The following TIAM2 variants were observed in gnomAD, a reference collection of about 807,000 sequenced individuals.
TIAM2 encodes the protein TIAM Rac1 associated GEF 2, also known as rho guanine nucleotide exchange factor TIAM2.
In TIAM2, 80 loss-of-function variants were observed where a neutral mutation model predicts 152.9. The observed-to-expected ratio is 0.52, with a 90% CI of 0.44 to 0.63. The LOEUF (loss-of-function observed/expected upper bound fraction) is 0.63, where lower values mean the gene tolerates loss of function less well. Among genes scored for constraint, TIAM2 ranks in the 30% least tolerant of loss-of-function variants. The pLI, the probability that TIAM2 is intolerant of heterozygous loss-of-function variation, is 0.00. For missense variants in TIAM2, 1,965 were observed against 2,120.1 expected (o/e 0.93, Z 1.44); for synonymous variants, 804 against 838.0 (o/e 0.96, Z 0.70).
chr6:155,225,009 G>A (rs142759503), intron 15 of TIAM2, among the ~76,000 whole-genome samples: 368 of 152,314 alleles, frequency 2.4e-3, no homozygotes, highest in Non-Finnish European at 4.1e-3. Context: ...AAGCTGGAGT[G>A]AAATGGTGCG....
At chr6:155,210,645 T>C (rs1345729448) in intron 14 of TIAM2, among the ~76,000 whole-genome samples, 2 of 152,200 alleles carry the variant, frequency 1.3e-5, no homozygotes, top group African/African-American at 4.8e-5. Context: ...CCCATATTAT[T>C]TCTTAGCCTT....
At position 155,257,622 on chromosome 6, in the gene TIAM2, A is replaced by T. The variant is rs3940; in HGVS notation, c.*501A>T. ...TGCTGTTTATACTAAACATGTCATA[A>T]CTATCTATACAGTATATATTAAAAG... On this transcript the variant is annotated 3_prime_UTR_variant, in exon 27 of 27. Coordinates refer to ENST00000682666, the MANE Select transcript of TIAM2 (RefSeq NM_012454.4). 0.64 allele frequency: 358,154 copies of T among 555,690 alleles called. 118,850 individuals are homozygous for T. The highest frequency in any genetic ancestry group is 0.98 in the East Asian group (31,459 of 32,090). The allele number at this position is 555,690 out of a possible 1,614,324, so 34.4% of individuals were successfully genotyped here.
chr6:155,136,395 C>G (rs1384039462), intron 4 of TIAM2, among the ~76,000 whole-genome samples: 1 of 151,516 alleles, frequency 6.6e-6, no homozygotes, highest in African/African-American at 2.4e-5. Flanking sequence ...CTGCCTCAGC[C>G]CCCTGAGTAG....
chr6:155,052,205 A>G (rs764269684), intron 1 of TIAM2, among the ~76,000 whole-genome samples: 3 of 152,298 alleles, frequency 2.0e-5, no homozygotes, highest in South Asian at 4.1e-4. Flanking sequence ...GTGCTGCTAT[A>G]CATACTTCAT....
chr6:155,233,181 T>G (rs1381249186), intron 15 of TIAM2, among the ~76,000 whole-genome samples: 1 of 152,212 alleles, frequency 6.6e-6, no homozygotes, highest in Non-Finnish European at 1.5e-5. Context: ...GGTAATGTGA[T>G]GTACCTACCC....
intron 1 of TIAM2, among the ~76,000 whole-genome samples, chr6:155,081,493 G>A (rs1411912813): frequency 2.6e-5 from 4 of 151,892 alleles, no homozygotes; most frequent in East Asian, 1.9e-4. Flanking sequence ...TAAAGTTACC[G>A]TTTGGAAAAT....
intron 14 of TIAM2, among the ~76,000 whole-genome samples, chr6:155,193,362 G>T (rs1781255601): frequency 6.6e-6 from 1 of 151,862 alleles, no homozygotes; most frequent in African/African-American, 2.4e-5. Flanking sequence ...TGTGGATTGT[G>T]CCACCGCACT....
intron 2 of TIAM2, among the ~76,000 whole-genome samples, chr6:155,091,538 T>C (rs1023637242): frequency 9.2e-5 from 14 of 152,224 alleles, no homozygotes; most frequent in Non-Finnish European, 1.9e-4. Flanking sequence ...TTTTTTGAAA[T>C]GTGAATTCCT....
Position 155,130,364 on chromosome 6 carries a change from C to G in TIAM2, c.1141C>G (p.Arg381Gly). The change falls in exon 4 of 27, where the codon CGA becomes GGA. Residue 381 changes from arginine to glycine, a missense_variant. This residue lies in a region of TIAM2 where 1,025 missense variants were observed against 1,119.4 expected (regional missense o/e 0.92). Transcript: ENST00000682666. ...GAAGGACTCCCTCAAAGCCAGGATG[C>G]GACGGATCAGTGACTGGACGGGAAG... ...AKKDSLKARM[R>G]RISDWTGSLS... The G allele has an allele frequency of 6.2e-7, 1 of 1,613,960 alleles. No individual in the cohort carries two copies. The highest frequency in any genetic ancestry group is 8.5e-7 in the Non-Finnish European group (1 of 1,180,020).
intron 10 of TIAM2, among the ~76,000 whole-genome samples, chr6:155,178,165 T>TAAAAAAA (rs557378875): frequency 4.8e-5 from 4 of 83,248 alleles, no homozygotes; most frequent in East Asian, 3.3e-4. Flanking sequence ...CGTCTCAAAT[T>TAAAAAAA]AAAAAAAAAA....
intron 6 of TIAM2, among the ~76,000 whole-genome samples, chr6:155,146,102 T>A (rs3763199): frequency 0.51 from 77,872 of 151,878 alleles, 20,189 homozygotes; most frequent in Middle Eastern, 0.57. Flanking sequence ...ATCCTTAGTT[T>A]TGAGAGTTTT....
At chr6:155,057,650 A>G (rs1212663618) in intron 1 of TIAM2, among the ~76,000 whole-genome samples, 1 of 141,506 alleles carries the variant, frequency 7.1e-6, no homozygotes, top group Non-Finnish European at 1.5e-5. Flanking sequence ...GGTTCAAGTG[A>G]TTCTTCTGCC....
chr6:155,219,753 G>T (rs559034324), intron 15 of TIAM2, among the ~76,000 whole-genome samples: 1 of 152,272 alleles, frequency 6.6e-6, no homozygotes, highest in East Asian at 1.9e-4. Context: ...GAAGACGGTG[G>T]CTATAGAAGA....
intron 1 of TIAM2, among the ~76,000 whole-genome samples, chr6:155,075,869 C>T (rs1000200663): frequency 3.3e-5 from 5 of 152,124 alleles, no homozygotes; most frequent in African/African-American, 1.2e-4. Context: ...TTCCTTAATT[C>T]GTATGATTAC....
At chr6:154,996,924 C>T (rs1042834288) in intron 1 of TIAM2, among the ~76,000 whole-genome samples, 2 of 152,110 alleles carry the variant, frequency 1.3e-5, no homozygotes, top group African/African-American at 4.8e-5. Context: ...CAAGGTATAA[C>T]TGAAGAAGAG....
chr6:155,249,314 G>C (rs1783516336), intron 20 of TIAM2, among the ~76,000 whole-genome samples: 1 of 152,142 alleles, frequency 6.6e-6, no homozygotes, highest in Non-Finnish European at 1.5e-5. Flanking sequence ...CATGTACTGG[G>C]GTGTTTTTAA....
Position 155,025,821 on chromosome 6 carries a change from AACACACACACACACACACACACACAC to A in TIAM2, c.-209+30359_-209+30384del, listed in dbSNP as rs58173623. Among the ~76,000 whole-genome samples, 413 of 131,860 alleles carry A rather than the reference AACACACACACACACACACACACACAC, an allele frequency of 3.1e-3. 1 individual carries two copies. Among genetic ancestry groups the A allele is most frequent in the African/African-American group, 0.01 (358 of 35,182 alleles). The allele number at this position is 131,860 out of a possible 152,430, so 86.5% of individuals were successfully genotyped here. A position where few individuals can be genotyped will look rare whatever the true frequency, so the allele number is the denominator to read the frequency against. ...AACACATGTGAGCACCTCCCCCTCAAACACACACACACACACACACACACACACACACACACACACACACACACACA... is the reference window on the plus strand; with the variant it reads ...AACACATGTGAGCACCTCCCCCTCAAACACACACACACACACACACACACA... On this transcript the variant is annotated intron_variant, in intron 1 of 26. Coordinates refer to ENST00000682666, the MANE Select transcript of TIAM2 (RefSeq NM_012454.4).
At chr6:155,136,729 C>T (rs1779564902) in intron 4 of TIAM2, among the ~76,000 whole-genome samples, 1 of 152,088 alleles carries the variant, frequency 6.6e-6, no homozygotes, top group Non-Finnish European at 1.5e-5. Flanking sequence ...TCTTCCCCAC[C>T]CTACCCTGGT....
chr6:155,202,702 A>C (rs1261823880), intron 14 of TIAM2, among the ~76,000 whole-genome samples: 2 of 150,124 alleles, frequency 1.3e-5, no homozygotes. Flanking sequence ...TTCTCGGATT[A>C]TAGGCATGAA....
Sources: gnomAD v4.1 joint callset for allele counts (sites outside exome capture counted in the v4.1 genomes callset) on GRCh38, gnomAD v4.1.1 for gene constraint, gnomAD v4.1.1 regional missense constraint, MANE v1.5 for transcripts, NCBI Gene and HGNC (gene_info 2026-07-23, HGNC 2026-07-21) for gene names.